CNGA1: variants seen among roughly 807,000 people sequenced by gnomAD.
The protein encoded by CNGA1 is cyclic nucleotide-gated channel alpha-1.
Under a neutral mutation model 69.7 loss-of-function variants are expected in CNGA1, and 53 were observed. That is an observed-to-expected ratio of 0.76 (90% CI 0.61 to 0.96). The LOEUF (loss-of-function observed/expected upper bound fraction) is 0.96. CNGA1 is among the 40% of genes least tolerant of loss of function. CNGA1 has a pLI of 0.00. For missense variants in CNGA1, 739 were observed against 811.2 expected, an observed-to-expected ratio of 0.91 and a Z score of 1.08; for synonymous variants, 249 against 283.5, an observed-to-expected ratio of 0.88 and a Z score of 1.22.
rs369602927 is a variant in CNGA1, at chr4:47,937,066, C to T, written c.1416G>A (p.Lys472=). 1.2e-6 allele frequency: 2 copies of T among 1,614,130 alleles called. No individual in the cohort carries two copies. The highest frequency in any genetic ancestry group is 1.7e-6 in the Non-Finnish European group (2 of 1,180,046). ...CTTCACAATCAGCAAAAATGCGTAC[C>T]TTTTTTAATGTGTCTAAGTGAACGT... ...AINVHLDTLK[K]VRIFADCEAG... The change falls in exon 11 of 11, where the codon AAG becomes AAA. Residue 472 remains lysine, a synonymous_variant. Transcript: ENST00000514170.
chr4:47,948,528 G>A (rs1192239886), intron 6 of CNGA1, among the ~76,000 whole-genome samples: 5 of 152,134 alleles, frequency 3.3e-5, no homozygotes, highest in African/African-American at 1.2e-4. Context: ...GGCTTCCAGA[G>A]GGGTGATGCA....
chr4:47,959,002 G>C (rs1010551643), intron 3 of CNGA1: 1 of 152,060 alleles, frequency 6.6e-6, no homozygotes, highest in African/African-American at 2.4e-5. Context: ...TGCCATAACA[G>C]AATTACTTTG....
At chr4:48,008,561 G>T (rs2109353782) in intron 2 of CNGA1, among the ~76,000 whole-genome samples, 1 of 152,180 alleles carries the variant, frequency 6.6e-6, no homozygotes, top group South Asian at 2.1e-4. Flanking sequence ...AAATATTTTA[G>T]TATAACTTTA....
Position 47,937,579 on chromosome 4 carries a change from C to G in CNGA1, c.903G>C (p.Met301Ile), listed in dbSNP as rs754002570. ...PNIFRISNLV[M>I]YIVIIIHWNA... ...TCCAGTGGATAATGATGACGATATA[C>G]ATAACAAGGTTGGAAATCCTGAAGA... The change falls in exon 11 of 11, where the codon ATG (methionine) becomes ATC (isoleucine). Residue 301 changes from methionine to isoleucine, a missense_variant. By Grantham distance (10) the Met-to-Ile change is conservative (BLOSUM62 1). Coordinates refer to ENST00000514170, the MANE Select transcript of CNGA1 (RefSeq NM_001379270.1). 2.9e-5 allele frequency: 46 copies of G among 1,613,992 alleles called. No homozygotes were observed. The highest frequency in any genetic ancestry group is 4.2e-6 in the Non-Finnish European group (5 of 1,180,016).
chr4:48,016,440 G>C lies in CNGA1; in HGVS notation c.-223+43C>G, dbSNP rs186651450. The C allele has an allele frequency of 1.3e-5, 3 of 222,262 alleles. No homozygotes were observed. The Admixed American group carries it at 1.8e-4, about 13-fold the overall frequency. The allele number at this position is 222,262 out of a possible 1,614,324, so 13.8% of individuals were successfully genotyped here. On this transcript the variant is annotated intron_variant, in intron 1 of 10. Transcript: ENST00000514170. ...TTTCGACCAGAGAGGAGCCAGAAGGGGGCCTCAGTGCAGCCTCCACTCCAC... is the reference window on the plus strand; with the variant it reads ...TTTCGACCAGAGAGGAGCCAGAAGGCGGCCTCAGTGCAGCCTCCACTCCAC...
intron 5 of CNGA1, 22 bp from the exon 6 acceptor site, chr4:47,949,917 G>T (rs1739640964): frequency 1.2e-6 from 2 of 1,612,006 alleles, no homozygotes; most frequent in Non-Finnish European, 1.7e-6. Flanking sequence ...AAAACATGCA[G>T]TGAAATCACA....
At chr4:47,981,550 GAT>G (rs1741714664) in intron 2 of CNGA1, 50 bp from the exon 3 acceptor site, 1 of 152,046 alleles carries the variant, frequency 6.6e-6, no homozygotes, top group Admixed American at 6.5e-5. Flanking sequence ...TTTCCTCAAA[GAT>G]ACACAAATGG....
chr4:47,971,918 AACAAC>A lies in CNGA1; in HGVS notation c.-15+9470_-15+9474del, dbSNP rs1273820351. Among the ~76,000 whole-genome samples the A allele has an allele frequency of 7.1e-3, 203 of 28,542 alleles. 1 individual carries two copies. Among genetic ancestry groups the A allele is most frequent in the Non-Finnish European group, 0.021 (156 of 7,386 alleles). 18.7% of individuals were successfully genotyped at this position (28,542 alleles called of 152,430 possible). A position where few individuals can be genotyped will look rare whatever the true frequency, so the allele number is the denominator to read the frequency against. On this transcript the variant is annotated intron_variant, in intron 3 of 10. Transcript: ENST00000514170. ...AAAACAAACAAACAAACAAACAAAC[AACAAC>A]AACAACAACAAAAACCACTGTAATC...
At chr4:47,987,590 A>C (rs1335526352) in intron 2 of CNGA1, among the ~76,000 whole-genome samples, 1 of 152,224 alleles carries the variant, frequency 6.6e-6, no homozygotes, top group Admixed American at 6.5e-5. Flanking sequence ...TAAGCATTGC[A>C]GAGTCAATAG....
At chr4:48,007,261 C>T (rs1443241537) in intron 2 of CNGA1, among the ~76,000 whole-genome samples, 2 of 152,306 alleles carry the variant, frequency 1.3e-5, no homozygotes, top group South Asian at 2.1e-4. Flanking sequence ...TTGGTTAATG[C>T]TTCAAGAAAA....
chr4:47,973,357 T>C (rs1741150930), intron 3 of CNGA1, among the ~76,000 whole-genome samples: 2 of 152,252 alleles, frequency 1.3e-5, no homozygotes, highest in African/African-American at 4.8e-5. Flanking sequence ...ATTACAGGCG[T>C]GAACCACCGC....
intron 2 of CNGA1, among the ~76,000 whole-genome samples, chr4:47,994,221 T>A (rs1159510085): frequency 6.6e-6 from 1 of 152,166 alleles, no homozygotes; most frequent in Non-Finnish European, 1.5e-5. Flanking sequence ...TTAAATCCAT[T>A]GTTTCTTTGT....
chr4:47,964,363 A>G (rs1316597744), intron 3 of CNGA1, among the ~76,000 whole-genome samples: 2 of 152,156 alleles, frequency 1.3e-5, no homozygotes, highest in African/African-American at 2.4e-5. Context: ...GCTTAACCCT[A>G]AAGAAAAATG....
chr4:47,977,136 T>C (rs1300983889), intron 3 of CNGA1, among the ~76,000 whole-genome samples: 1 of 152,188 alleles, frequency 6.6e-6, no homozygotes, highest in Non-Finnish European at 1.5e-5. Context: ...AAAATCCATA[T>C]ATTGAAGCTC....
chr4:47,971,168 TTGTGTGTGTG>T (rs34771990), intron 3 of CNGA1: 36 of 385,616 alleles, frequency 9.3e-5, no homozygotes, highest in African/African-American at 5.3e-4. Context: ...ATATCTATAT[TTGTGTGTGTG>T]TGTGTGTGTG....
chr4:47,977,039 A>G (rs893533741), intron 3 of CNGA1, among the ~76,000 whole-genome samples: 1 of 152,230 alleles, frequency 6.6e-6, no homozygotes, highest in Non-Finnish European at 1.5e-5. Flanking sequence ...TTCTTGGCAG[A>G]GGAAACAGCA....
chr4:47,996,019 G>A (rs1742461285), intron 2 of CNGA1, among the ~76,000 whole-genome samples: 1 of 152,092 alleles, frequency 6.6e-6, no homozygotes. Flanking sequence ...TCTCATCTGG[G>A]GATACCAGTA....
At chr4:47,999,108 G>A (rs3113878) in intron 2 of CNGA1, among the ~76,000 whole-genome samples, 43,983 of 152,106 alleles carry the variant, frequency 0.29, 7,028 homozygotes, top group African/African-American at 0.43. Context: ...AGTATAAGAT[G>A]TTTTGAGAGA....
intron 10 of CNGA1, among the ~76,000 whole-genome samples, chr4:47,938,938 G>A (rs553565105): frequency 6.7e-6 from 1 of 149,890 alleles, no homozygotes; most frequent in Non-Finnish European, 1.5e-5. Flanking sequence ...AAGAGAGAGA[G>A]AGAGGGATGG....
Sources: allele counts gnomAD v4.1 joint callset (sites outside exome capture counted in the v4.1 genomes callset), GRCh38; gene constraint gnomAD v4.1.1; transcripts MANE v1.5; gene names NCBI Gene and HGNC (gene_info 2026-07-23, HGNC 2026-07-21).